The following METTL15 variants were observed in gnomAD, a reference collection of about 807,000 sequenced individuals.
METTL15 encodes methyltransferase 15, mitochondrial 12S rRNA N4-cytidine.
In METTL15, 34 loss-of-function variants were observed where a neutral mutation model predicts 38.3. That is an observed-to-expected ratio of 0.89 (90% confidence interval 0.68 to 1.18). METTL15 has a LOEUF of 1.18. Among genes scored for constraint, METTL15 ranks in the 50% most tolerant of loss-of-function variants. The pLI is 0.00. For missense variants in METTL15, 438 were observed against 498.4 expected, an observed-to-expected ratio of 0.88 and a Z score of 1.15; for synonymous variants, 162 against 170.9, an observed-to-expected ratio of 0.95 and a Z score of 0.41.
chr11:28,319,178 C>G (rs553071108), intron 6 of METTL15, among the ~76,000 whole-genome samples: 1 of 152,108 alleles, frequency 6.6e-6, no homozygotes, highest in East Asian at 1.9e-4. Flanking sequence ...TCAGTAAAAG[C>G]CTATTCAGGT....
At chr11:28,316,358 GT>G (rs1857481098) in intron 6 of METTL15, among the ~76,000 whole-genome samples, 1 of 152,164 alleles carries the variant, frequency 6.6e-6, no homozygotes, top group Non-Finnish European at 1.5e-5. Context: ...CCTGTAGCCC[GT>G]TTGTTTAGGC....
At chr11:28,468,573 A>G (rs902648864) in intron 6 of METTL15, among the ~76,000 whole-genome samples, 18 of 152,332 alleles carry the variant, frequency 1.2e-4, no homozygotes, top group Non-Finnish European at 2.5e-4. Context: ...TATGCAAAAT[A>G]GTATTATTTA....
chr11:28,340,435 A>G (rs4244534), intron 3 of METTL15, among the ~76,000 whole-genome samples: 151,670 of 152,246 alleles, frequency 1, 75,554 homozygotes, highest in Non-Finnish European at 1. Context: ...ATCTGGCAAA[A>G]GGCTAATATC....
At chr11:28,394,821 G>C (rs572632886) in intron 5 of METTL15, among the ~76,000 whole-genome samples, 11 of 151,950 alleles carry the variant, frequency 7.2e-5, no homozygotes, top group African/African-American at 2.4e-4. Context: ...TCTCTCTCCT[G>C]GACTATGAAA....
At chr11:28,297,016 C>CACA in intron 6 of METTL15, 85 bp downstream of exon 6, 5 of 1,378,330 alleles carry the variant, frequency 3.6e-6, no homozygotes, top group Non-Finnish European at 5.1e-6. Context: ...CACGCATGCA[C>CACA]ATGTGTGTGT....
At chr11:28,306,605 C>A (rs890010319) in intron 6 of METTL15, among the ~76,000 whole-genome samples, 10 of 151,956 alleles carry the variant, frequency 6.6e-5, no homozygotes, top group Admixed American at 2.6e-4. Context: ...CAGTATGCAC[C>A]TCCACTCCTT....
chr11:28,123,553 C>T (rs972578094), intron 3 of METTL15, among the ~76,000 whole-genome samples: 3 of 138,636 alleles, frequency 2.2e-5, no homozygotes, highest in African/African-American at 9.0e-5. Context: ...TAGTTGTCCC[C>T]TTTGGGTGAA....
chr11:28,396,538 G>A (rs552641223), intron 5 of METTL15, among the ~76,000 whole-genome samples: 8 of 152,256 alleles, frequency 5.3e-5, no homozygotes, highest in East Asian at 3.9e-4. Context: ...GACAAGGGAC[G>A]TGAAGGACCT....
chr11:28,455,195 A>G (rs1343531595), intron 6 of METTL15, among the ~76,000 whole-genome samples: 2 of 149,656 alleles, frequency 1.3e-5, no homozygotes, highest in Non-Finnish European at 3.0e-5. Flanking sequence ...ATATAACTCA[A>G]TAACACATGG....
At chr11:28,362,248 A>C (rs1850145831) in intron 5 of METTL15, among the ~76,000 whole-genome samples, 1 of 152,256 alleles carries the variant, frequency 6.6e-6, no homozygotes, top group Non-Finnish European at 1.5e-5. Flanking sequence ...AGGAAAAAGT[A>C]GAAGGAAAGG....
chr11:28,441,889 A>G (rs1292562421), intron 6 of METTL15, among the ~76,000 whole-genome samples: 1 of 152,208 alleles, frequency 6.6e-6, no homozygotes, highest in East Asian at 1.9e-4. Flanking sequence ...TCATTCTAGA[A>G]AATACTAATT....
At chr11:28,444,207 C>T (rs979567912) in intron 6 of METTL15, among the ~76,000 whole-genome samples, 1 of 152,046 alleles carries the variant, frequency 6.6e-6, no homozygotes, top group Admixed American at 6.5e-5. Context: ...AATATTGGAT[C>T]CATAGCCAGG....
chr11:28,312,946 A>ACACATTC (rs1334074380), intron 6 of METTL15, among the ~76,000 whole-genome samples: 1 of 151,928 alleles, frequency 6.6e-6, no homozygotes, highest in African/African-American at 2.4e-5. Context: ...ACTTTGGGGA[A>ACACATTC]CACATTCCCA....
chr11:28,195,586 T>C (rs972563529), intron 3 of METTL15, among the ~76,000 whole-genome samples: 1 of 152,120 alleles, frequency 6.6e-6, no homozygotes, highest in African/African-American at 2.4e-5. Context: ...TTTTTTCGAG[T>C]TCCGTGTGGA....
At chr11:28,438,139 T>TG in intron 6 of METTL15, among the ~76,000 whole-genome samples, 1 of 152,382 alleles carries the variant, frequency 6.6e-6, no homozygotes, top group South Asian at 2.1e-4. Context: ...TCATGATTGA[T>TG]GTTAATGGTA....
chr11:28,445,673 A>G (rs1851069145), intron 6 of METTL15, among the ~76,000 whole-genome samples: 1 of 151,922 alleles, frequency 6.6e-6, no homozygotes, highest in African/African-American at 2.4e-5. Flanking sequence ...TTTTTTTGAG[A>G]CAGGGTCTCG....
At chr11:28,406,705 G>A (rs1850677194) in intron 5 of METTL15, among the ~76,000 whole-genome samples, 1 of 152,096 alleles carries the variant, frequency 6.6e-6, no homozygotes, top group African/African-American at 2.4e-5. Context: ...GCCCTGGCCA[G>A]AATTTCTAAT....
chr11:28,441,613 G>A (rs1008320453), intron 6 of METTL15, among the ~76,000 whole-genome samples: 5 of 151,686 alleles, frequency 3.3e-5, no homozygotes, highest in East Asian at 3.9e-4. Flanking sequence ...ATGTCCTTAC[G>A]ACCTCACTTC....
chr11:28,356,774 G>A (rs1041722195), intron 4 of METTL15, among the ~76,000 whole-genome samples: 2 of 152,178 alleles, frequency 1.3e-5, no homozygotes, highest in Non-Finnish European at 2.9e-5. Context: ...TTATTTCACA[G>A]GTTAATACCA....
Sources: allele counts gnomAD v4.1 joint callset (sites outside exome capture counted in the v4.1 genomes callset), GRCh38; gene constraint gnomAD v4.1.1; transcripts MANE v1.5; gene names NCBI Gene and HGNC (gene_info 2026-07-23, HGNC 2026-07-21).